Variants in ZFYVE1 observed in about 807,000 individuals in gnomAD.
The protein encoded by ZFYVE1 is zinc finger FYVE domain-containing protein 1.
ZFYVE1 carries 30 observed loss-of-function variants against 74.4 expected under a neutral mutation model. The observed-to-expected ratio is 0.40, with a 90% CI of 0.30 to 0.55. ZFYVE1 has a LOEUF of 0.55. Ranked by LOEUF, ZFYVE1 falls within the 20% of genes least tolerant of loss-of-function variation. The pLI is 0.42. For synonymous variants in ZFYVE1, 335 were observed against 385.1 expected (o/e 0.87, Z 1.52); for missense variants, 703 against 1,011.6 (o/e 0.69, Z 4.14).
chr14:73,018,027 G>A (rs1043705411), intron 2 of ZFYVE1, among the ~76,000 whole-genome samples: 5 of 152,272 alleles, frequency 3.3e-5, no homozygotes, highest in Admixed American at 2.0e-4. Context: ...AGCCACACTG[G>A]CATTCTTTCT....
rs746985816 is a variant in ZFYVE1, at chr14:72,997,962, G to A, written c.837C>T (p.Phe279=). 8 of 1,614,044 alleles carry A rather than the reference G, an allele frequency of 5.0e-6. No homozygotes were observed. The highest frequency in any genetic ancestry group is 1.1e-5 in the South Asian group (1 of 91,080). Residue 279 remains phenylalanine, a synonymous_variant, in exon 3 of 12, where the codon TTC becomes TTT. Coordinates refer to ENST00000556143, the MANE Select transcript of ZFYVE1 (RefSeq NM_021260.4). ...GATAAGCTTCTGAGGCATCCCCAAG[G>A]AATTTGAAGAGGTCGTTATGCAGCC... ...ADRLHNDLFK[F]LGDASEAYLK...
At chr14:72,993,053 A>G (rs1036111281) in intron 4 of ZFYVE1, 90 bp downstream of exon 4, 1 of 1,300,174 alleles carries the variant, frequency 7.7e-7, no homozygotes, top group African/African-American at 1.5e-5. Context: ...CAGATTTCCA[A>G]TCACCAGCAC....
At chr14:73,013,806 C>G (rs1894138992) in intron 2 of ZFYVE1, among the ~76,000 whole-genome samples, 2 of 151,914 alleles carry the variant, frequency 1.3e-5, no homozygotes, top group South Asian at 4.2e-4. Context: ...TCCCATCAAG[C>G]AAATGTGTTC....
Position 72,975,715 on chromosome 14 carries a change from C to T in ZFYVE1, c.1642G>A (p.Gly548Arg), listed in dbSNP as rs1893151951. 1 of 1,613,590 alleles carries T rather than the reference C, an allele frequency of 6.2e-7. No individual in the cohort carries two copies. The highest frequency in any genetic ancestry group is 1.3e-5 in the African/African-American group (1 of 74,884). Reference protein sequence around the residue: ...EIVHVWPGTDGFLKDNNNAAQ... With the variant: ...EIVHVWPGTDRFLKDNNNAAQ... The stretch of plus-strand genomic sequence containing the variant: ...GCATTGTTGTTGTCCTTCAGAAACC[C>T]ATCAGTCTGAAATGAAAACGCAGGC... Residue 548 changes from glycine (G) to arginine (R), a missense_variant, in exon 9 of 12, where the codon GGG (glycine) becomes AGG (arginine). Physicochemically the swap from Gly to Arg is moderately radical, Grantham distance 125. Around this residue, in one of 2 missense-constraint regions of ZFYVE1, gnomAD observed 492 missense variants for 790.0 expected, o/e 0.62. Coordinates refer to ENST00000556143, the MANE Select transcript of ZFYVE1 (RefSeq NM_021260.4). The surrounding 1 kb of genome is among the most constrained non-coding windows in gnomAD (Gnocchi z 4.1).
At chr14:72,973,672 G>C (rs1385864409) in intron 11 of ZFYVE1, among the ~76,000 whole-genome samples, 1 of 152,112 alleles carries the variant, frequency 6.6e-6, no homozygotes. Flanking sequence ...AACTGTCCCT[G>C]CCAAGGCACC....
At chr14:73,023,251 T>TGTTTTATATATAATATATAA (rs1894362941) in intron 2 of ZFYVE1, among the ~76,000 whole-genome samples, 4 of 93,228 alleles carry the variant, frequency 4.3e-5, no homozygotes, top group East Asian at 3.1e-4. Flanking sequence ...AATATATATA[T>TGTTTTATATATAATATATAA]TATATGTTTT....
In ZFYVE1 at chr14:72,969,555, C is replaced by A; in HGVS notation, c.*1327G>T. On this transcript the variant is annotated 3_prime_UTR_variant, in exon 12 of 12. Transcript: ENST00000556143. Reference sequence around the variant, plus strand: ...GCAGGAGGAGCAGGGCTGAGAGGGACGACACACTCCAGGGCTCATGTCACA... The same window carrying A: ...GCAGGAGGAGCAGGGCTGAGAGGGAAGACACACTCCAGGGCTCATGTCACA... 2 of 613,792 alleles carry A rather than the reference C, an allele frequency of 3.3e-6. No individual in the cohort carries two copies. Among genetic ancestry groups the A allele is most frequent in the Non-Finnish European group, 2.9e-6 (1 of 344,788 alleles). The allele number at this position is 613,792 out of a possible 1,614,324, so 38.0% of individuals were successfully genotyped here.
intron 11 of ZFYVE1, 112 bp downstream of exon 11, chr14:72,973,968 T>A: frequency 3.6e-6 from 3 of 831,878 alleles, no homozygotes; most frequent in Non-Finnish European, 5.9e-6. Flanking sequence ...ATTGATTCCT[T>A]TACCACCCAT....
At chr14:73,022,981 G>A (rs1437354858) in intron 2 of ZFYVE1, among the ~76,000 whole-genome samples, 2 of 151,634 alleles carry the variant, frequency 1.3e-5, no homozygotes, top group African/African-American at 4.8e-5. Flanking sequence ...TGGCCAACAT[G>A]GTGAACCCCC....
chr14:72,999,443 T>C (rs967404688), intron 2 of ZFYVE1, among the ~76,000 whole-genome samples: 5 of 151,838 alleles, frequency 3.3e-5, no homozygotes, highest in African/African-American at 1.2e-4. Flanking sequence ...AATAAATAAA[T>C]ACATAGCTGA....
At chr14:73,026,230 T>C (rs1894457807) in intron 1 of ZFYVE1, among the ~76,000 whole-genome samples, 1 of 151,604 alleles carries the variant, frequency 6.6e-6, no homozygotes, top group Non-Finnish European at 1.5e-5. Flanking sequence ...AATTTTTCTC[T>C]TTGTCACTTA....
intron 2 of ZFYVE1, among the ~76,000 whole-genome samples, chr14:73,007,906 A>G (rs1894012552): frequency 6.6e-6 from 1 of 152,248 alleles, no homozygotes; most frequent in Non-Finnish European, 1.5e-5. Context: ...ACATAAAAAC[A>G]CAATCATTTC....
At chr14:72,980,260 C>T (rs929530721) in intron 5 of ZFYVE1, among the ~76,000 whole-genome samples, 2 of 152,194 alleles carry the variant, frequency 1.3e-5, no homozygotes, top group Non-Finnish European at 1.5e-5. Context: ...AATGACCATT[C>T]ATAACAGATG....
intron 2 of ZFYVE1, among the ~76,000 whole-genome samples, chr14:73,016,868 C>G (rs1435054157): frequency 6.6e-6 from 1 of 152,058 alleles, no homozygotes; most frequent in Non-Finnish European, 1.5e-5. Flanking sequence ...GAGCAAAACT[C>G]CAGTTCCCAA....
At chr14:72,994,320 C>T (rs1315454931) in intron 3 of ZFYVE1, among the ~76,000 whole-genome samples, 1 of 43,912 alleles carries the variant, frequency 2.3e-5, no homozygotes, top group Admixed American at 2.7e-4. Context: ...GAGACGCTGT[C>T]TCAAAAAAAA....
chr14:73,023,287 TTA>T lies in ZFYVE1; in HGVS notation c.483+737_483+738del, dbSNP rs1194479213. On this transcript the variant is annotated intron_variant, in intron 2 of 11. Transcript: ENST00000556143. ...ATATATAATATATATTATATATGTTTTATATATAATATATATTATATATGTTT... is the reference window on the plus strand; with the variant it reads ...ATATATAATATATATTATATATGTTTTATATAATATATATTATATATGTTT... Among the ~76,000 whole-genome samples, 214 of 97,476 alleles carry T rather than the reference TTA, an allele frequency of 2.2e-3. 3 individuals are homozygous for T. Among genetic ancestry groups the T allele is most frequent in the Middle Eastern group, 0.01 (2 of 194 alleles). 63.9% of individuals were successfully genotyped at this position (97,476 alleles called of 152,430 possible).
At chr14:72,993,032 C>A in intron 4 of ZFYVE1, 111 bp downstream of exon 4, 1 of 1,102,376 alleles carries the variant, frequency 9.1e-7, no homozygotes. Context: ...TTCTTATAAC[C>A]TCTTTCCACC....
At position 72,975,543 on chromosome 14, in the gene ZFYVE1, C is replaced by T. The variant is rs776334086; in HGVS notation, c.1806+8G>A. 2 of 1,609,070 alleles carry T rather than the reference C, an allele frequency of 1.2e-6. No individual in the cohort carries two copies. The highest frequency in any genetic ancestry group is 1.7e-5 in the Admixed American group (1 of 59,346). On this transcript the variant is annotated splice_region_variant and intron_variant, in intron 9 of 11. Transcript: ENST00000556143. The surrounding 1 kb of genome is among the most constrained non-coding windows in gnomAD (Gnocchi z 4.1). ...CCAGGAGTGGAGGGGCATCCTGGCA[C>T]ACCATACCAGAATCTGGGAGTTGGG...
intron 4 of ZFYVE1, among the ~76,000 whole-genome samples, chr14:72,985,699 G>A (rs1356093153): frequency 6.7e-6 from 1 of 150,160 alleles, no homozygotes; most frequent in Admixed American, 6.6e-5. Context: ...AAGGAATATA[G>A]AAGCCACTAC....
Sources: gnomAD v4.1 joint callset for allele counts (sites outside exome capture counted in the v4.1 genomes callset) on GRCh38, gnomAD v4.1.1 for gene constraint, gnomAD v4.1.1 regional missense constraint, Gnocchi (gnomAD v3.1) non-coding constraint, MANE v1.5 for transcripts, NCBI Gene and HGNC (gene_info 2026-07-23, HGNC 2026-07-21) for gene names.